PCDHGA1: variants seen among roughly 807,000 people sequenced by gnomAD.
The protein encoded by PCDHGA1 is protocadherin gamma-A1.
Under a neutral mutation model 58.0 loss-of-function variants are expected in PCDHGA1, and 32 were observed. The ratio of observed to expected loss-of-function variants is 0.55; its 90% confidence interval spans 0.42 to 0.74. The LOEUF is 0.74. Among genes scored for constraint, PCDHGA1 ranks in the 30% least tolerant of loss-of-function variants. The pLI is 0.00. For synonymous variants in PCDHGA1, 498 were observed against 501.1 expected (o/e 0.99, Z 0.08); for missense variants, 1,205 against 1,182.3 (o/e 1.02, Z -0.28).
chr5:141,460,455 A>AT (rs2098989699), intron 1 of PCDHGA1, among the ~76,000 whole-genome samples: 1 of 152,080 alleles, frequency 6.6e-6, no homozygotes, highest in Non-Finnish European at 1.5e-5. Flanking sequence ...GAAGATTCAT[A>AT]TTTTTTTCCA....
intron 1 of PCDHGA1, chr5:141,341,932 A>T (rs1390212714): frequency 6.4e-6 from 1 of 157,096 alleles, no homozygotes; most frequent in East Asian, 1.9e-4. Context: ...CTTCCCTGTT[A>T]AAAATATGGA....
intron 2 of PCDHGA1, among the ~76,000 whole-genome samples, chr5:141,499,528 G>T (rs961802549): frequency 1.3e-5 from 2 of 152,142 alleles, no homozygotes; most frequent in African/African-American, 2.4e-5. Context: ...AAAGTAGAGA[G>T]AATGGTGTCA....
rs773688197 is a variant in PCDHGA1 at position 141,432,412 on chromosome 5, C to A, written c.2422-62395C>A. 2.5e-6 allele frequency: 4 copies of A among 1,614,128 alleles called. No homozygotes were observed. The Admixed American group carries it at 6.7e-5, about 27-fold the overall frequency. On this transcript the variant is annotated intron_variant, in intron 1 of 3. Transcript: ENST00000517417. The surrounding 1 kb of genome is among the most constrained non-coding windows in gnomAD (Gnocchi z 6.0). ...GCAGCAACGTGTCGTTGAGCCTGTT[C>A]GTGCTGGACCAGAACGACAATGCGC...
At chr5:141,341,124 G>T in intron 1 of PCDHGA1, 1 of 1,614,212 alleles carries the variant, frequency 6.2e-7, no homozygotes. Context: ...AGGCTGCGGC[G>T]CTGGCACAAG....
At chr5:141,345,077 A>G in intron 1 of PCDHGA1, 1 of 1,613,982 alleles carries the variant, frequency 6.2e-7, no homozygotes, top group Non-Finnish European at 8.5e-7. Flanking sequence ...CAGAAATTAC[A>G]ATCACGTCTC....
At chr5:141,400,681 T>C in intron 1 of PCDHGA1, 1 of 834,118 alleles carries the variant, frequency 1.2e-6, no homozygotes, top group Non-Finnish European at 1.9e-6. Flanking sequence ...CAGTAAATTG[T>C]GAGTTTTTAT....
Position 141,486,369 on chromosome 5 carries a change from C to A in PCDHGA1, c.2422-8438C>A. On this transcript the variant is annotated intron_variant, in intron 1 of 3. Coordinates refer to ENST00000517417, the MANE Select transcript of PCDHGA1 (RefSeq NM_018912.3). This position sits in a 1 kb window ranked among gnomAD's most constrained non-coding sequence, Gnocchi z 5.0. ...GACCACTTGCCATTTGCCCTCAAGT[C>A]TGCCTTCAGGAACCAGTTCTCCCTG... 6.2e-7 allele frequency: 1 copy of A among 1,614,128 alleles called. No individual in the cohort carries two copies. Among genetic ancestry groups the A allele is most frequent in the African/African-American group, 1.3e-5 (1 of 75,048 alleles).
chr5:141,380,372 C>T lies in PCDHGA1; in HGVS notation c.2421+47267C>T, dbSNP rs73265858. On this transcript the variant is annotated intron_variant, in intron 1 of 3. Transcript: ENST00000517417. ...TTGTTTGTTTTTTAGAAAAAAAAGT[C>T]CCAAAAAAGAAAAGAGAGAAGATAA... 8.4e-3 allele frequency among the ~76,000 whole-genome samples: 1,279 copies of T among 152,058 alleles called. 17 individuals are homozygous for T. Among genetic ancestry groups the T allele is most frequent in the African/African-American group, 0.029 (1,214 of 41,474 alleles).
intron 1 of PCDHGA1, chr5:141,339,180 G>A: frequency 6.2e-7 from 1 of 1,614,124 alleles, no homozygotes; most frequent in African/African-American, 1.3e-5. Flanking sequence ...GTCTCCAGAG[G>A]TAGGTCCCAG....
At chr5:141,371,925 A>G in intron 1 of PCDHGA1, 3 of 1,613,324 alleles carry the variant, frequency 1.9e-6, no homozygotes, top group East Asian at 4.5e-5. Flanking sequence ...GAGCGCGCGG[A>G]GCGGGGTGGT....
chr5:141,421,383 C>A lies in PCDHGA1; in HGVS notation c.2422-73424C>A, dbSNP rs754951142. The A allele has an allele frequency of 2.5e-6, 4 of 1,614,034 alleles. 1 individual carries two copies. The highest frequency in any genetic ancestry group is 8.5e-7 in the Non-Finnish European group (1 of 1,179,910). On this transcript the variant is annotated intron_variant, in intron 1 of 3. Transcript: ENST00000517417. ...CCTTCGTGGGCAATATCTCCAAGGA[C>A]CTGGGGCTGGAGCCCCGGGAGCTGG...
At chr5:141,339,959 A>G in intron 1 of PCDHGA1, 1 of 1,614,166 alleles carries the variant, frequency 6.2e-7, no homozygotes, top group Non-Finnish European at 8.5e-7. Flanking sequence ...CCTTCTAACC[A>G]GAGCGAAGGT....
chr5:141,496,342 G>A (rs1430202202), intron 2 of PCDHGA1, among the ~76,000 whole-genome samples: 1 of 152,208 alleles, frequency 6.6e-6, no homozygotes, highest in East Asian at 1.9e-4. Context: ...GAGCCTGGAG[G>A]AGTCTCAGAG....
intron 1 of PCDHGA1, chr5:141,468,330 C>CAAAAAAAAA (rs533390277): frequency 1.3e-5 from 1 of 79,886 alleles, no homozygotes; most frequent in African/African-American, 3.9e-5. Context: ...AACTCCATCT[C>CAAAAAAAAA]AAAAAAAAAA....
rs778766941 is a variant in PCDHGA1, at chr5:141,357,128, T to C, written c.2421+24023T>C. 7.4e-6 allele frequency: 12 copies of C among 1,613,574 alleles called. No homozygotes were observed. The highest frequency in any genetic ancestry group is 3.3e-5 in the Admixed American group (2 of 60,028). On this transcript the variant is annotated intron_variant, in intron 1 of 3. Coordinates refer to ENST00000517417, the MANE Select transcript of PCDHGA1 (RefSeq NM_018912.3). ...AGAGACGCGCTCAAGCAGAGGCTTG[T>C]AGTGGTCGTCCAGGACCATGGCCAG... is the stretch of plus-strand genomic sequence containing the variant.
At chr5:141,436,181 T>C (rs1050736907) in intron 1 of PCDHGA1, among the ~76,000 whole-genome samples, 2 of 152,092 alleles carry the variant, frequency 1.3e-5, no homozygotes, top group African/African-American at 4.8e-5. Flanking sequence ...TCATATATAG[T>C]CAAATAGAAA....
chr5:141,384,283 G>A (rs762515266), intron 1 of PCDHGA1: 1 of 1,613,762 alleles, frequency 6.2e-7, no homozygotes. Context: ...AGTCTACATC[G>A]CTGAGAACAA....
chr5:141,511,147 A>T lies in PCDHGA1; in HGVS notation c.2770A>T (p.Lys924Ter). The change falls in exon 4 of 4, where the codon AAG becomes TAG. Residue 924 changes from lysine to a stop codon, truncating the protein, a stop_gained. Coordinates refer to ENST00000517417, the MANE Select transcript of PCDHGA1 (RefSeq NM_018912.3). LOFTEE classifies it high-confidence loss of function. Reference sequence around the variant, plus strand: ...AGCAGGTGGCAATGGCAACAAGAAGAAGTCGGGCAAGAAGGAGAAGAAGTA... The same window carrying T: ...AGCAGGTGGCAATGGCAACAAGAAGTAGTCGGGCAAGAAGGAGAAGAAGTA... The part of the protein sequence containing the change: ...APAGGNGNKK[K>*]SGKKEKK 1 of 1,614,188 alleles carries T rather than the reference A, an allele frequency of 6.2e-7. No homozygotes were observed. Among genetic ancestry groups the T allele is most frequent in the East Asian group, 2.2e-5 (1 of 44,876 alleles).
intron 1 of PCDHGA1, chr5:141,421,270 C>G: frequency 6.2e-7 from 1 of 1,612,094 alleles, no homozygotes; most frequent in Non-Finnish European, 8.5e-7. Context: ...TCGGCTGCTG[C>G]TGCTGCTGTG....
Sources: allele counts gnomAD v4.1 joint callset (sites outside exome capture counted in the v4.1 genomes callset), GRCh38; gene constraint gnomAD v4.1.1; non-coding constraint Gnocchi (gnomAD v3.1); transcripts MANE v1.5; gene names NCBI Gene and HGNC (gene_info 2026-07-23, HGNC 2026-07-21).